The following BANK1 variants were observed in gnomAD, a reference collection of about 807,000 sequenced individuals.
The protein encoded by BANK1 is B-cell scaffold protein with ankyrin repeats.
BANK1 carries 95 observed loss-of-function variants against 94.5 expected under a neutral mutation model. That is an observed-to-expected ratio of 1.00 (90% confidence interval 0.85 to 1.19). The LOEUF is 1.19. Ranked by LOEUF, BANK1 falls within the 50% of genes most tolerant of loss-of-function variation. The pLI is 0.00. For missense variants in BANK1, 987 were observed against 932.2 expected, an observed-to-expected ratio of 1.06 and a Z score of -0.77; for synonymous variants, 334 against 308.4, an observed-to-expected ratio of 1.08 and a Z score of -0.87.
At chr4:101,805,874 A>G (rs1014021982) in intron 1 of BANK1, among the ~76,000 whole-genome samples, 2 of 151,762 alleles carry the variant, frequency 1.3e-5, no homozygotes, top group Admixed American at 6.6e-5. Flanking sequence ...AGATAATCTT[A>G]AGGTATTTTC....
At chr4:101,818,073 C>A (rs185595169) in intron 1 of BANK1, among the ~76,000 whole-genome samples, 28 of 152,134 alleles carry the variant, frequency 1.8e-4, no homozygotes, top group African/African-American at 6.7e-4. Context: ...TGCTCTTTTG[C>A]TATGAGCAAG....
intron 3 of BANK1, among the ~76,000 whole-genome samples, chr4:101,860,491 C>T (rs746435283): frequency 6.6e-6 from 1 of 151,900 alleles, no homozygotes; most frequent in Admixed American, 6.6e-5. Context: ...AGTGCAGTGG[C>T]GTGATCTCGG....
At chr4:101,991,512 G>A (rs892908944) in intron 7 of BANK1, among the ~76,000 whole-genome samples, 1 of 152,148 alleles carries the variant, frequency 6.6e-6, no homozygotes, top group Non-Finnish European at 1.5e-5. Context: ...TAGAGATAAA[G>A]TTGAAAATGT....
At chr4:101,802,154 C>T (rs920369162) in intron 1 of BANK1, among the ~76,000 whole-genome samples, 30 of 152,212 alleles carry the variant, frequency 2.0e-4, no homozygotes, top group Non-Finnish European at 2.4e-4. Flanking sequence ...CCAGTACTTC[C>T]CTTCCCACTT....
chr4:101,980,522 G>T (rs1037537967), intron 7 of BANK1, among the ~76,000 whole-genome samples: 3 of 151,662 alleles, frequency 2.0e-5, no homozygotes, highest in Non-Finnish European at 3.0e-5. Context: ...TGATAAGGCT[G>T]CTCCCCTCCT....
chr4:101,950,517 G>T (rs1185668745), intron 7 of BANK1, among the ~76,000 whole-genome samples: 1 of 152,124 alleles, frequency 6.6e-6, no homozygotes, highest in African/African-American at 2.4e-5. Context: ...TCAGGAAGGA[G>T]ACCATTGTCT....
intron 7 of BANK1, among the ~76,000 whole-genome samples, chr4:101,975,293 G>C (rs865849238): frequency 6.6e-6 from 1 of 152,122 alleles, no homozygotes; most frequent in Admixed American, 6.5e-5. Context: ...TTCAGACTGA[G>C]AGCAATGATA....
In BANK1 at chr4:102,073,751, A is replaced by AAAAT; in HGVS notation, c.*5+5_*5+8dup. The AAAAT allele has an allele frequency of 6.2e-7, 1 of 1,604,688 alleles. No individual in the cohort carries two copies. Among genetic ancestry groups the AAAAT allele is most frequent in the Non-Finnish European group, 8.5e-7 (1 of 1,172,740 alleles). ...TGCAAGAAAGATCATTAAAGAAGGT[A>AAAAT]AAATATTAGCTGTGTATATTTTTTA... On this transcript the variant is annotated splice_donor_region_variant and intron_variant, in intron 16 of 16. Coordinates refer to ENST00000322953, the MANE Select transcript of BANK1 (RefSeq NM_017935.5).
In BANK1 at chr4:102,073,995, T is replaced by G. The variant is rs912262911; in HGVS notation, c.*6-10T>G. ...ATTCACTAATACATTTCCTATTTTC[T>G]CATTTCCAGGTTATTATAATGAAAC... On this transcript the variant is annotated splice_polypyrimidine_tract_variant and intron_variant, in intron 16 of 16. Transcript: ENST00000322953. The G allele has an allele frequency of 1.4e-5, 4 of 283,338 alleles. No individual in the cohort carries two copies. Among genetic ancestry groups the G allele is most frequent in the African/African-American group, 8.8e-5 (4 of 45,544 alleles). 17.6% of individuals were successfully genotyped at this position (283,338 alleles called of 1,614,324 possible). A position where few individuals can be genotyped will look rare whatever the true frequency, so the allele number is the denominator to read the frequency against.
At chr4:101,944,716 A>G (rs1279458410) in intron 7 of BANK1, among the ~76,000 whole-genome samples, 1 of 151,990 alleles carries the variant, frequency 6.6e-6, no homozygotes, top group Admixed American at 6.6e-5. Context: ...GATTAATTAG[A>G]GCCAGCAGGT....
At chr4:101,807,306 A>T (rs545799330) in intron 1 of BANK1, among the ~76,000 whole-genome samples, 1 of 152,334 alleles carries the variant, frequency 6.6e-6, no homozygotes, top group Non-Finnish European at 1.5e-5. Flanking sequence ...TAAGAAAATC[A>T]CTACTGCCAT....
At chr4:102,031,209 CA>C (rs1727294691) in intron 10 of BANK1, among the ~76,000 whole-genome samples, 2 of 152,124 alleles carry the variant, frequency 1.3e-5, no homozygotes, top group African/African-American at 4.8e-5. Context: ...AGCATTTTTT[CA>C]AGTGTCCGTT....
chr4:102,040,681 C>G (rs1727673539), intron 10 of BANK1, among the ~76,000 whole-genome samples: 1 of 152,026 alleles, frequency 6.6e-6, no homozygotes, highest in African/African-American at 2.4e-5. Context: ...TTATGTTAGT[C>G]TAAGCCCCCC....
chr4:101,868,813 A>G (rs751721815), intron 4 of BANK1, among the ~76,000 whole-genome samples: 15 of 151,896 alleles, frequency 9.9e-5, no homozygotes, highest in Non-Finnish European at 1.6e-4. Flanking sequence ...TTCCAACCAG[A>G]TGAATCTATA....
intron 11 of BANK1, among the ~76,000 whole-genome samples, chr4:102,045,241 G>A (rs1055039254): frequency 1.6e-4 from 25 of 151,926 alleles, no homozygotes; most frequent in Admixed American, 2.6e-4. Context: ...ATTCAACAAC[G>A]CTTCATGCTA....
intron 2 of BANK1, among the ~76,000 whole-genome samples, chr4:101,843,853 C>T (rs1231751829): frequency 5.9e-5 from 9 of 151,962 alleles, no homozygotes; most frequent in East Asian, 1.9e-4. Context: ...ATCTGGGAGG[C>T]GGAGGTTGAA....
At chr4:101,836,107 A>G (rs1726814390) in intron 2 of BANK1, among the ~76,000 whole-genome samples, 1 of 152,126 alleles carries the variant, frequency 6.6e-6, no homozygotes, top group Admixed American at 6.5e-5. Flanking sequence ...GACTCTCGTT[A>G]CATTCTATAT....
intron 7 of BANK1, among the ~76,000 whole-genome samples, chr4:101,985,990 A>C (rs1469774891): frequency 6.6e-6 from 1 of 152,176 alleles, no homozygotes; most frequent in East Asian, 1.9e-4. Flanking sequence ...CACTTACTCC[A>C]TTCAGAAAAT....
chr4:101,888,690 A>C (rs1721722963), intron 5 of BANK1, among the ~76,000 whole-genome samples: 1 of 152,190 alleles, frequency 6.6e-6, no homozygotes, highest in Non-Finnish European at 1.5e-5. Flanking sequence ...CATTTAGAAA[A>C]ATCTACCTTG....
Sources: gnomAD v4.1 joint callset for allele counts (sites outside exome capture counted in the v4.1 genomes callset) on GRCh38, gnomAD v4.1.1 for gene constraint, MANE v1.5 for transcripts, NCBI Gene and HGNC (gene_info 2026-07-23, HGNC 2026-07-21) for gene names.